PTPRS: variants seen among roughly 807,000 people sequenced by gnomAD.
PTPRS encodes the protein protein tyrosine phosphatase receptor type S.
A neutral mutation model predicts 215.3 loss-of-function variants in PTPRS; 63 were observed. The observed-to-expected ratio is 0.29, with a 90% CI of 0.24 to 0.36. The LOEUF is 0.36. Ranked by LOEUF, PTPRS falls within the 10% of genes least tolerant of loss-of-function variation. The pLI is 1.00. For missense variants in PTPRS, 2,258 were observed against 2,825.8 expected (o/e 0.80, Z 4.56); for synonymous variants, 1,404 against 1,191.4 (o/e 1.18, Z -3.68).
intron 6 of PTPRS, among the ~76,000 whole-genome samples, chr19:5,261,201 C>G (rs1415769227): frequency 6.6e-6 from 1 of 152,030 alleles, no homozygotes; most frequent in South Asian, 2.1e-4. Flanking sequence ...GGTTCATCAC[C>G]CCCCCTTCCT....
chr19:5,268,182 TA>T (rs2046591490), intron 4 of PTPRS, among the ~76,000 whole-genome samples: 1 of 132,950 alleles, frequency 7.5e-6, no homozygotes, highest in Non-Finnish European at 1.7e-5. Flanking sequence ...AATAAATAAA[TA>T]AATAAATTAA....
At chr19:5,216,479 G>A (rs151158392) in intron 26 of PTPRS, among the ~76,000 whole-genome samples, 2 of 152,122 alleles carry the variant, frequency 1.3e-5, no homozygotes, top group African/African-American at 2.4e-5. Flanking sequence ...GGGTACATAC[G>A]TGCCTCACCC....
chr19:5,231,278 C>A lies in PTPRS; in HGVS notation c.2155+32G>T, dbSNP rs375353468. ...GAGGCGGGGGCCGGGCTGGGGCCTG[C>A]GGGGGGTCCCGGGCCTGGGGCAGGT... On this transcript the variant is annotated intron_variant, in intron 14 of 37. Transcript: ENST00000262963. 11 of 1,566,746 alleles carry A rather than the reference C, an allele frequency of 7.0e-6. No homozygotes were observed. In the South Asian group the frequency reaches 1.2e-4, roughly 16 times the overall value.
intron 1 of PTPRS, among the ~76,000 whole-genome samples, chr19:5,306,826 G>A (rs2049511313): frequency 6.6e-6 from 1 of 152,142 alleles, no homozygotes; most frequent in Admixed American, 6.5e-5. Context: ...AATAGTCCCC[G>A]AGGAGACAAT....
rs944628482 is a variant in PTPRS at position 5,295,895 on chromosome 19, C to T, written c.-94-9661G>A. On this transcript the variant is annotated intron_variant, in intron 1 of 37. Coordinates refer to ENST00000262963, the MANE Select transcript of PTPRS (RefSeq NM_002850.4). The surrounding 1 kb of genome is among the most constrained non-coding windows in gnomAD (Gnocchi z 4.6). ...TCAGCCTCCTGAGTAGCTTGGACTA[C>T]AGGCACATGCCACCACGTCTGGCTA... Among the ~76,000 whole-genome samples the T allele has an allele frequency of 1.3e-5, 2 of 152,188 alleles. No individual in the cohort carries two copies. The highest frequency in any genetic ancestry group is 4.8e-5 in the African/African-American group (2 of 41,454).
rs1309473693 is a variant in PTPRS at position 5,315,350 on chromosome 19, GGTTTTTTTTTTTTT to G, written c.-95+25300_-95+25313del. Among the ~76,000 whole-genome samples, 742 of 101,310 alleles carry G rather than the reference GGTTTTTTTTTTTTT, an allele frequency of 7.3e-3. 27 individuals carry two copies. The highest frequency in any genetic ancestry group is 0.029 in the African/African-American group (715 of 24,628). The allele number at this position is 101,310 out of a possible 152,430, so 66.5% of individuals were successfully genotyped here. A position where few individuals can be genotyped will look rare whatever the true frequency, so the allele number is the denominator to read the frequency against. On this transcript the variant is annotated intron_variant, in intron 1 of 37. Transcript: ENST00000262963. ...TCATGGAGAATTTTTATTTGAAAAG[GGTTTTTTTTTTTTT>G]TTTTTTTTTTTTTTTTTGAGACAGA...
At chr19:5,219,092 G>A in intron 23 of PTPRS, 5 of 678,598 alleles carry the variant, frequency 7.4e-6, no homozygotes, top group Non-Finnish European at 1.2e-5. Context: ...GAAGATAGGG[G>A]TTAAGAGGAG....
chr19:5,332,134 T>TC (rs1409903885), intron 1 of PTPRS, among the ~76,000 whole-genome samples: 1 of 152,000 alleles, frequency 6.6e-6, no homozygotes, highest in African/African-American at 2.4e-5. Flanking sequence ...AGGGCAATTT[T>TC]TTTTTTTTTT....
chr19:5,322,648 G>A (rs1274614580), intron 1 of PTPRS, among the ~76,000 whole-genome samples: 1 of 152,156 alleles, frequency 6.6e-6, no homozygotes, highest in Non-Finnish European at 1.5e-5. Flanking sequence ...AGGAGGCTGA[G>A]GCGGGCGGAT....
chr19:5,309,859 C>T (rs897080060), intron 1 of PTPRS, among the ~76,000 whole-genome samples: 5 of 151,942 alleles, frequency 3.3e-5, no homozygotes, highest in East Asian at 2.0e-4. Flanking sequence ...GGTCCCCCAG[C>T]GTCTGCACTC....
rs1568495470 is a variant in PTPRS at position 5,257,838 on chromosome 19, C to A, written c.706+179G>T. Among the ~76,000 whole-genome samples, 1 of 152,198 alleles carries A rather than the reference C, an allele frequency of 6.6e-6. No homozygotes were observed. Among genetic ancestry groups the A allele is most frequent in the African/African-American group, 2.4e-5 (1 of 41,444 alleles). ...ATTTAAGCTGCCCCCATTCTACAGGCAAGGAAACTAAGGCCCAGAGAGGGA... is the reference window on the plus strand; with the variant it reads ...ATTTAAGCTGCCCCCATTCTACAGGAAAGGAAACTAAGGCCCAGAGAGGGA... On this transcript the variant is annotated intron_variant, in intron 8 of 37. Coordinates refer to ENST00000262963, the MANE Select transcript of PTPRS (RefSeq NM_002850.4). This position sits in a 1 kb window ranked among gnomAD's most constrained non-coding sequence, Gnocchi z 4.4.
At chr19:5,229,905 GCC>G (rs113109821) in intron 14 of PTPRS, among the ~76,000 whole-genome samples, 3 of 148,556 alleles carry the variant, frequency 2.0e-5, no homozygotes, top group African/African-American at 4.9e-5. Context: ...GATCCAGGCT[GCC>G]CCCCCCCGAG....
At chr19:5,229,192 C>T in intron 16 of PTPRS, 124 bp downstream of exon 16, 1 of 1,090,592 alleles carries the variant, frequency 9.2e-7, no homozygotes. Context: ...GCGAGGGGCG[C>T]ATGGGAGGGC....
chr19:5,330,470 T>C (rs2147274228), intron 1 of PTPRS, among the ~76,000 whole-genome samples: 1 of 152,334 alleles, frequency 6.6e-6, no homozygotes, highest in South Asian at 2.1e-4. Flanking sequence ...TTCTCCTCTG[T>C]TGCAGCTGTT....
chr19:5,222,225 C>G lies in PTPRS; in HGVS notation c.3104-5G>C. ...CCTTGAAGTTCTTGGGCGAGACTGCCGGGGAGGCGGCCGAGCAGGGAGAGA... is the reference window on the plus strand; with the variant it reads ...CCTTGAAGTTCTTGGGCGAGACTGCGGGGGAGGCGGCCGAGCAGGGAGAGA... On this transcript the variant is annotated splice_polypyrimidine_tract_variant and splice_region_variant and intron_variant, in intron 18 of 37. Coordinates refer to ENST00000262963, the MANE Select transcript of PTPRS (RefSeq NM_002850.4). 3.1e-6 allele frequency: 5 copies of G among 1,612,096 alleles called. No homozygotes were observed. Among genetic ancestry groups the G allele is most frequent in the Non-Finnish European group, 3.4e-6 (4 of 1,178,718 alleles).
rs1242977508 is a variant in PTPRS, at chr19:5,212,159, C to A, written c.4861G>T (p.Val1621Leu). ...PEKTVDVYGH[V>L]TLMRSQRNYM... ...TTGCGCTGGGACCTCATGAGCGTCA[C>A]GTGGCCATAGACATCGACTGTCTTC... Residue 1621 changes from valine to leucine, a missense_variant, in exon 32 of 38, where the codon GTG becomes TTG. Val to Leu is a conservative substitution (Grantham distance 32). Transcript: ENST00000262963. 6.2e-7 allele frequency: 1 copy of A among 1,613,954 alleles called. No homozygotes were observed. Among genetic ancestry groups the A allele is most frequent in the African/African-American group, 1.3e-5 (1 of 74,950 alleles).
At position 5,295,829 on chromosome 19, in the gene PTPRS, C is replaced by T. The variant is rs1600058092; in HGVS notation, c.-94-9595G>A. Among the ~76,000 whole-genome samples, 2 of 151,996 alleles carry T rather than the reference C, an allele frequency of 1.3e-5. No individual in the cohort carries two copies. The highest frequency in any genetic ancestry group is 4.8e-5 in the African/African-American group (2 of 41,332). On this transcript the variant is annotated intron_variant, in intron 1 of 37. Coordinates refer to ENST00000262963, the MANE Select transcript of PTPRS (RefSeq NM_002850.4). This position sits in a 1 kb window ranked among gnomAD's most constrained non-coding sequence, Gnocchi z 4.6. ...CATCATGGCTCACTCTAGCCTCAAC[C>T]TCCTGGGCTCAACCTCCTGGGCTCA...
chr19:5,235,740 T>G (rs2043388644), intron 13 of PTPRS, among the ~76,000 whole-genome samples: 1 of 152,110 alleles, frequency 6.6e-6, no homozygotes, highest in African/African-American at 2.4e-5. Flanking sequence ...ATATGTAGAT[T>G]TAAAACAGTG....
intron 1 of PTPRS, among the ~76,000 whole-genome samples, chr19:5,308,678 G>A (rs1374191663): frequency 6.6e-6 from 1 of 152,200 alleles, no homozygotes; most frequent in East Asian, 1.9e-4. Flanking sequence ...GGGTGGGCAG[G>A]GACCTGGCAG....
Sources: gnomAD v4.1 joint callset for allele counts (sites outside exome capture counted in the v4.1 genomes callset) on GRCh38, gnomAD v4.1.1 for gene constraint, Gnocchi (gnomAD v3.1) non-coding constraint, MANE v1.5 for transcripts, NCBI Gene and HGNC (gene_info 2026-07-23, HGNC 2026-07-21) for gene names.